The following SLC9A2 variants were observed in gnomAD, a reference collection of about 807,000 sequenced individuals.
SLC9A2 encodes sodium/hydrogen exchanger 2.
In SLC9A2, 42 loss-of-function variants were observed where a neutral mutation model predicts 71.7. The ratio of observed to expected loss-of-function variants is 0.59; its 90% confidence interval spans 0.46 to 0.76. The LOEUF is 0.76. Ranked by LOEUF, SLC9A2 falls within the 30% of genes least tolerant of loss-of-function variation. SLC9A2 has a pLI of 0.00. For missense variants in SLC9A2, 829 were observed against 1,017.4 expected (o/e 0.81, Z 2.52); for synonymous variants, 396 against 392.5 (o/e 1.01, Z -0.10).
At chr2:102,675,443 A>C (rs1374613958) in intron 3 of SLC9A2, among the ~76,000 whole-genome samples, 2 of 152,176 alleles carry the variant, frequency 1.3e-5, no homozygotes, top group African/African-American at 4.8e-5. Flanking sequence ...GTGCTTCCAG[A>C]ACTTTTTTAC....
intron 1 of SLC9A2, among the ~76,000 whole-genome samples, chr2:102,632,027 T>TACACACAC (rs1558701250): frequency 3.9e-5 from 3 of 76,972 alleles, no homozygotes; most frequent in African/African-American, 1.4e-4. Context: ...TATATATATA[T>TACACACAC]ATATATATAT....
Position 102,696,084 on chromosome 2 carries a change from G to A in SLC9A2, c.1586+971G>A, listed in dbSNP as rs1037812701. Among the ~76,000 whole-genome samples, 4 of 151,890 alleles carry A rather than the reference G, an allele frequency of 2.6e-5. No homozygotes were observed. In the East Asian group the frequency reaches 7.7e-4, roughly 29 times the overall value. Reference sequence around the variant, plus strand: ...TGACAGCAGAGCTAGGAGCAGTGGGGTACAGGAGCCAGCCCCCACTTGCTA... The same window carrying A: ...TGACAGCAGAGCTAGGAGCAGTGGGATACAGGAGCCAGCCCCCACTTGCTA... On this transcript the variant is annotated intron_variant, in intron 7 of 11. Transcript: ENST00000233969.
chr2:102,628,458 A>G (rs538215847), intron 1 of SLC9A2, among the ~76,000 whole-genome samples: 1 of 152,270 alleles, frequency 6.6e-6, no homozygotes, highest in South Asian at 2.1e-4. Context: ...GGATTATTCA[A>G]TGAAACTCTT....
chr2:102,654,206 T>G (rs1033055854), intron 1 of SLC9A2, among the ~76,000 whole-genome samples: 6 of 148,088 alleles, frequency 4.1e-5, no homozygotes, highest in African/African-American at 1.5e-4. Context: ...TTTTTTTTTT[T>G]TTTTTTTTTT....
At chr2:102,676,849 G>A (rs1412178874) in intron 3 of SLC9A2, among the ~76,000 whole-genome samples, 4 of 152,214 alleles carry the variant, frequency 2.6e-5, no homozygotes, top group African/African-American at 9.6e-5. Flanking sequence ...GCTTGGCACT[G>A]ATTAGTGGAA....
At chr2:102,672,104 G>A (rs1425228652) in intron 3 of SLC9A2, among the ~76,000 whole-genome samples, 7 of 151,878 alleles carry the variant, frequency 4.6e-5, no homozygotes, top group Admixed American at 6.6e-5. Context: ...GCAAGACTCC[G>A]TCTCAAAAAA....
chr2:102,667,035 A>T (rs925813130), intron 3 of SLC9A2, among the ~76,000 whole-genome samples: 9 of 152,166 alleles, frequency 5.9e-5, no homozygotes, highest in Admixed American at 5.9e-4. Context: ...TTTGTGGTGG[A>T]GGAAGTCGAA....
intron 3 of SLC9A2, among the ~76,000 whole-genome samples, chr2:102,666,923 T>C (rs1457598616): frequency 6.6e-6 from 1 of 152,116 alleles, no homozygotes; most frequent in Non-Finnish European, 1.5e-5. Context: ...GCCTAGATCT[T>C]CCTGAAATTT....
At chr2:102,620,185 G>C in intron 1 of SLC9A2, 48 bp downstream of exon 1, 1 of 1,528,314 alleles carries the variant, frequency 6.5e-7, no homozygotes, top group Non-Finnish European at 8.9e-7. Context: ...ATCTCGGGGG[G>C]ACACCTGGAG....
At chr2:102,682,213 C>T (rs986673652) in intron 3 of SLC9A2, among the ~76,000 whole-genome samples, 1 of 152,150 alleles carries the variant, frequency 6.6e-6, no homozygotes, top group Non-Finnish European at 1.5e-5. Context: ...TCATAGTAAC[C>T]GTGTCTCCTT....
At chr2:102,665,569 T>A (rs1434353089) in intron 3 of SLC9A2, among the ~76,000 whole-genome samples, 2 of 151,848 alleles carry the variant, frequency 1.3e-5, no homozygotes, top group African/African-American at 4.8e-5. Flanking sequence ...GGTCAGGAGA[T>A]CGAGACCATC....
At chr2:102,631,992 G>C (rs1161958786) in intron 1 of SLC9A2, among the ~76,000 whole-genome samples, 3 of 85,736 alleles carry the variant, frequency 3.5e-5, no homozygotes, top group African/African-American at 2.0e-4. Context: ...TAATGAAAGT[G>C]GGGATATATA....
At chr2:102,680,593 C>T (rs138573357) in intron 3 of SLC9A2, among the ~76,000 whole-genome samples, 393 of 152,168 alleles carry the variant, frequency 2.6e-3, no homozygotes, top group African/African-American at 8.6e-3. Flanking sequence ...CATGCTCATC[C>T]GGGCCATGCA....
At chr2:102,652,356 G>T (rs935257726) in intron 1 of SLC9A2, among the ~76,000 whole-genome samples, 3 of 152,122 alleles carry the variant, frequency 2.0e-5, no homozygotes, top group African/African-American at 7.2e-5. Flanking sequence ...CTTCCTGTTG[G>T]CTTAGCCCTC....
intron 3 of SLC9A2, among the ~76,000 whole-genome samples, chr2:102,678,225 CT>C (rs1677378308): frequency 6.6e-6 from 1 of 152,012 alleles, no homozygotes; most frequent in Non-Finnish European, 1.5e-5. Context: ...TTGCTTTCAT[CT>C]TCCTAGATCC....
At chr2:102,642,039 A>T (rs1452160879) in intron 1 of SLC9A2, among the ~76,000 whole-genome samples, 1 of 101,126 alleles carries the variant, frequency 9.9e-6, no homozygotes, top group Non-Finnish European at 2.0e-5. Context: ...CTAGAACTTA[A>T]AATATAATAA....
intron 7 of SLC9A2, among the ~76,000 whole-genome samples, chr2:102,698,274 A>G (rs920461028): frequency 2.0e-5 from 3 of 152,216 alleles, no homozygotes; most frequent in Non-Finnish European, 4.4e-5. Context: ...TTCTTTAATT[A>G]TTCAGAGCCC....
intron 11 of SLC9A2, among the ~76,000 whole-genome samples, chr2:102,707,393 T>C (rs1678002591): frequency 6.8e-6 from 1 of 147,612 alleles, no homozygotes; most frequent in South Asian, 2.1e-4. Flanking sequence ...GTGAGAATAA[T>C]AGGGGGAAGA....
chr2:102,696,389 T>A (rs776074938), intron 7 of SLC9A2, among the ~76,000 whole-genome samples: 22 of 152,206 alleles, frequency 1.4e-4, no homozygotes, highest in Admixed American at 3.3e-4. Context: ...AACAGAATTT[T>A]TTTTCCCTCC....
Sources: allele counts gnomAD v4.1 joint callset (sites outside exome capture counted in the v4.1 genomes callset), GRCh38; gene constraint gnomAD v4.1.1; transcripts MANE v1.5; gene names NCBI Gene and HGNC (gene_info 2026-07-23, HGNC 2026-07-21).